The following STXBP6 variants were observed in gnomAD, a reference collection of about 807,000 sequenced individuals.
STXBP6 encodes the protein syntaxin binding protein 6.
A neutral mutation model predicts 26.9 loss-of-function variants in STXBP6; 21 were observed. The observed-to-expected ratio is 0.78, with a 90% CI of 0.55 to 1.12. The LOEUF is 1.12. Ranked by LOEUF, STXBP6 falls within the 50% of genes most tolerant of loss-of-function variation. The probability of loss-of-function intolerance (pLI) is 0.00; values close to 1 mark genes in which losing one functional copy is unlikely to be tolerated. For synonymous variants in STXBP6, 97 were observed against 92.6 expected (o/e 1.05, Z -0.27); for missense variants, 232 against 257.9 (o/e 0.90, Z 0.69).
chr14:24,839,364 AAC>A (rs2068721257), intron 4 of STXBP6, among the ~76,000 whole-genome samples: 1 of 147,702 alleles, frequency 6.8e-6, no homozygotes, highest in Non-Finnish European at 1.5e-5. Flanking sequence ...CAATTCATAC[AAC>A]ACATGCTGTT....
At chr14:24,971,377 A>G (rs1039055634) in intron 2 of STXBP6, among the ~76,000 whole-genome samples, 1 of 152,238 alleles carries the variant, frequency 6.6e-6, no homozygotes, top group African/African-American at 2.4e-5. Context: ...AAGAATGGTT[A>G]AAAATTATTT....
chr14:24,960,403 A>G (rs1182321578), intron 2 of STXBP6, among the ~76,000 whole-genome samples: 1 of 152,222 alleles, frequency 6.6e-6, no homozygotes, highest in Non-Finnish European at 1.5e-5. Context: ...GTTAACCCCC[A>G]ATAGATGCAT....
intron 2 of STXBP6, among the ~76,000 whole-genome samples, chr14:24,868,048 C>T (rs2069787094): frequency 6.6e-6 from 1 of 151,888 alleles, no homozygotes; most frequent in African/African-American, 2.4e-5. Context: ...AATACAGGAA[C>T]CAGCTGGGTG....
At chr14:24,856,180 A>G in intron 3 of STXBP6, 79 bp from the exon 4 acceptor site, 4 of 1,378,612 alleles carry the variant, frequency 2.9e-6, no homozygotes, top group Non-Finnish European at 3.9e-6. Flanking sequence ...CAAAAGATTT[A>G]TAAGGGCTAA....
intron 2 of STXBP6, among the ~76,000 whole-genome samples, chr14:24,870,901 T>G (rs1481536424): frequency 1.3e-5 from 2 of 152,182 alleles, no homozygotes; most frequent in Non-Finnish European, 2.9e-5. Context: ...CATTCAGAGT[T>G]GGACTGGTCA....
chr14:25,026,780 T>C (rs1595342968), intron 1 of STXBP6, among the ~76,000 whole-genome samples: 1 of 152,120 alleles, frequency 6.6e-6, no homozygotes, highest in African/African-American at 2.4e-5. Context: ...AGCAGACAGG[T>C]AATAAAGTAT....
intron 2 of STXBP6, among the ~76,000 whole-genome samples, chr14:24,965,888 C>A (rs145081551): frequency 3.7e-4 from 57 of 152,278 alleles, no homozygotes; most frequent in Non-Finnish European, 7.6e-4. Flanking sequence ...CCAAAGAATG[C>A]ATCTATGTGG....
At chr14:25,039,370 T>C (rs1447449189) in intron 1 of STXBP6, among the ~76,000 whole-genome samples, 1 of 152,204 alleles carries the variant, frequency 6.6e-6, no homozygotes, top group Non-Finnish European at 1.5e-5. Context: ...TCAGTTCACA[T>C]ATGGAAATGA....
intron 2 of STXBP6, among the ~76,000 whole-genome samples, chr14:24,955,144 T>C (rs1278656872): frequency 6.6e-6 from 1 of 152,172 alleles, no homozygotes; most frequent in East Asian, 1.9e-4. Context: ...GTTGCTCAGG[T>C]ATTGGTCTAT....
At position 25,043,698 on chromosome 14, in the gene STXBP6, A is replaced by G. The variant is rs186748941; in HGVS notation, c.-33+6180T>C. Among the ~76,000 whole-genome samples the G allele has an allele frequency of 5.9e-5, 9 of 152,354 alleles. No individual in the cohort carries two copies. In the East Asian group the frequency reaches 1.7e-3, roughly 29 times the overall value. ...CACTTCATAATGGAATCATGTAAAT[A>G]CATGGTCATTTGTATCTGGCTTCTT... On this transcript the variant is annotated intron_variant, in intron 1 of 5. Transcript: ENST00000323944.
intron 2 of STXBP6, among the ~76,000 whole-genome samples, chr14:24,926,242 A>C (rs955817220): frequency 1.3e-5 from 2 of 152,318 alleles, no homozygotes; most frequent in African/African-American, 4.8e-5. Flanking sequence ...AAGCCTTGCT[A>C]AAGGGAGCAG....
At chr14:24,918,699 T>G (rs2071865386) in intron 2 of STXBP6, among the ~76,000 whole-genome samples, 1 of 152,162 alleles carries the variant, frequency 6.6e-6, no homozygotes, top group South Asian at 2.1e-4. Context: ...TCTTCTCCCT[T>G]ATTACGGCAG....
intron 2 of STXBP6, among the ~76,000 whole-genome samples, chr14:24,881,478 T>C (rs1362231544): frequency 2.6e-5 from 4 of 151,768 alleles, no homozygotes; most frequent in African/African-American, 7.3e-5. Context: ...ATCAAGAAAA[T>C]GTTAAGAATG....
chr14:24,844,085 A>G (rs532080232), intron 4 of STXBP6, among the ~76,000 whole-genome samples: 2 of 152,272 alleles, frequency 1.3e-5, no homozygotes, highest in South Asian at 4.1e-4. Flanking sequence ...GACTTAATCA[A>G]TCATAATTAG....
At chr14:24,969,979 T>C (rs997845075) in intron 2 of STXBP6, among the ~76,000 whole-genome samples, 1 of 152,188 alleles carries the variant, frequency 6.6e-6, no homozygotes. Context: ...TGGTGGCTCA[T>C]GCCTGCAATC....
chr14:25,018,583 G>A (rs906954838), intron 1 of STXBP6, among the ~76,000 whole-genome samples: 10 of 152,114 alleles, frequency 6.6e-5, no homozygotes, highest in Admixed American at 6.5e-5. Context: ...CTTCCTCAAG[G>A]GTGATTTTCA....
rs569751731 is a variant in STXBP6, at chr14:25,005,530, T to G, written c.-32-30680A>C. 2.2e-3 allele frequency among the ~76,000 whole-genome samples: 334 copies of G among 152,316 alleles called. 2 individuals carry two copies. Among genetic ancestry groups the G allele is most frequent in the African/African-American group, 7.6e-3 (315 of 41,566 alleles). On this transcript the variant is annotated intron_variant, in intron 1 of 5. Transcript: ENST00000323944. Reference sequence around the variant, plus strand: ...GAGCTGAGATCAAGAAATTGTATCCTTCGCAAATGCAGATGTACAAAAAGA... The same window carrying G: ...GAGCTGAGATCAAGAAATTGTATCCGTCGCAAATGCAGATGTACAAAAAGA...
intron 5 of STXBP6, among the ~76,000 whole-genome samples, chr14:24,813,984 A>G (rs2067896980): frequency 6.6e-6 from 1 of 152,162 alleles, no homozygotes; most frequent in Admixed American, 6.5e-5. Context: ...TGATAAGTTA[A>G]TCTCTGCTTG....
intron 2 of STXBP6, among the ~76,000 whole-genome samples, chr14:24,958,940 C>T (rs1179399673): frequency 6.6e-6 from 1 of 152,132 alleles, no homozygotes. Context: ...CCAACAGACA[C>T]ATAAGGAAAT....
Sources: gnomAD v4.1 joint callset for allele counts (sites outside exome capture counted in the v4.1 genomes callset) on GRCh38, gnomAD v4.1.1 for gene constraint, MANE v1.5 for transcripts, NCBI Gene and HGNC (gene_info 2026-07-23, HGNC 2026-07-21) for gene names.